MEAF6: variants seen among roughly 807,000 people sequenced by gnomAD.
MEAF6 encodes MYST/Esa1 associated factor 6.
A neutral mutation model predicts 28.9 loss-of-function variants in MEAF6; 15 were observed. The observed-to-expected ratio is 0.52, with a 90% CI of 0.35 to 0.80. The LOEUF (loss-of-function observed/expected upper bound fraction) is 0.80, where lower values mean the gene tolerates loss of function less well. Ranked by LOEUF, MEAF6 falls within the 30% of genes least tolerant of loss-of-function variation. The probability of loss-of-function intolerance (pLI) is 0.01; values close to 1 mark genes in which losing one functional copy is unlikely to be tolerated. For synonymous variants in MEAF6, 97 were observed against 88.7 expected, an observed-to-expected ratio of 1.09 and a Z score of -0.53; for missense variants, 178 against 237.5, an observed-to-expected ratio of 0.75 and a Z score of 1.65.
At chr1:37,509,773 T>C (rs1642604537) in intron 2 of MEAF6, among the ~76,000 whole-genome samples, 1 of 152,188 alleles carries the variant, frequency 6.6e-6, no homozygotes, top group African/African-American at 2.4e-5. Flanking sequence ...TATTTATTTA[T>C]TTACTTATTT....
chr1:37,494,215 A>G, intron 6 of MEAF6, 108 bp from the exon 7 acceptor site: 2 of 920,238 alleles, frequency 2.2e-6, no homozygotes, highest in Non-Finnish European at 3.5e-6. Context: ...ACTGCTCTAT[A>G]GCTAAAGATT....
At chr1:37,494,777 G>C (rs1642060478) in intron 6 of MEAF6, among the ~76,000 whole-genome samples, 1 of 151,884 alleles carries the variant, frequency 6.6e-6, no homozygotes. Flanking sequence ...GTTGCAGTGA[G>C]CCAAGATCAC....
At chr1:37,508,407 T>C (rs1280566184) in intron 4 of MEAF6, among the ~76,000 whole-genome samples, 4 of 148,142 alleles carry the variant, frequency 2.7e-5, no homozygotes, top group African/African-American at 7.4e-5. Flanking sequence ...GCCTCTCTAA[T>C]AGCTGGGACT....
intron 4 of MEAF6, among the ~76,000 whole-genome samples, chr1:37,503,952 C>T (rs1642395383): frequency 6.6e-6 from 1 of 152,070 alleles, no homozygotes; most frequent in South Asian, 2.1e-4. Flanking sequence ...GAACGAGACT[C>T]CATCTCAAAA....
rs1019696684 is a variant in MEAF6 at position 37,490,168 on chromosome 1, C to T, written c.*3931G>A. On this transcript the variant is annotated 3_prime_UTR_variant, in exon 7 of 7. Coordinates refer to ENST00000296214, the MANE Select transcript of MEAF6 (RefSeq NM_001270875.3). ...TCTTTTCTTCCCACCCCCACCCAGC[C>T]ATCCTGTGTGCCCTCTTCCCCTTGG... Among the ~76,000 whole-genome samples, 1 of 151,856 alleles carries T rather than the reference C, an allele frequency of 6.6e-6. No individual in the cohort carries two copies. Among genetic ancestry groups the T allele is most frequent in the African/African-American group, 2.4e-5 (1 of 41,300 alleles).
chr1:37,504,800 T>TACAC (rs143477333), intron 4 of MEAF6, among the ~76,000 whole-genome samples: 8,738 of 135,102 alleles, frequency 0.065, 373 homozygotes, highest in African/African-American at 0.095. Flanking sequence ...AAAATTTATA[T>TACAC]ACACACACAC....
chr1:37,496,931 C>T (rs1642144550), intron 5 of MEAF6, among the ~76,000 whole-genome samples: 1 of 152,172 alleles, frequency 6.6e-6, no homozygotes, highest in Admixed American at 6.5e-5. Flanking sequence ...GATTTCATAT[C>T]AGAAGACTAG....
rs1446004995 is a variant in MEAF6, at chr1:37,490,004, C to A, written c.*4095G>T. Among the ~76,000 whole-genome samples the A allele has an allele frequency of 6.6e-6, 1 of 152,090 alleles. No individual in the cohort carries two copies. Among genetic ancestry groups the A allele is most frequent in the Non-Finnish European group, 1.5e-5 (1 of 68,038 alleles). On this transcript the variant is annotated 3_prime_UTR_variant, in exon 7 of 7. Transcript: ENST00000296214. ...TTATCAGCAGTTTATTGTGGTTCAA[C>A]CTTTTATTTATAAATTAATGACCTA...
chr1:37,502,461 A>ATG (rs753915499), intron 4 of MEAF6, among the ~76,000 whole-genome samples: 23 of 151,988 alleles, frequency 1.5e-4, no homozygotes, highest in African/African-American at 5.1e-4. Context: ...TACAAAAAAA[A>ATG]CTACAGTGAC....
At chr1:37,494,134 A>T in intron 6 of MEAF6, 27 bp from the exon 7 acceptor site, 2 of 1,598,698 alleles carry the variant, frequency 1.3e-6, no homozygotes, top group Non-Finnish European at 1.7e-6. Flanking sequence ...AAAAGTCCCA[A>T]CTTACTCTCG....
At chr1:37,496,322 T>C (rs1403645569) in intron 5 of MEAF6, among the ~76,000 whole-genome samples, 1 of 152,176 alleles carries the variant, frequency 6.6e-6, no homozygotes, top group Non-Finnish European at 1.5e-5. Context: ...GACTAGGAGT[T>C]TGTATTTCTG....
intron 2 of MEAF6, among the ~76,000 whole-genome samples, chr1:37,511,890 A>C (rs978859047): frequency 6.6e-6 from 1 of 152,188 alleles, no homozygotes; most frequent in Middle Eastern, 3.2e-3. Context: ...TTAGCAAAGA[A>C]TTTTTGGGGA....
intron 1 of MEAF6, chr1:37,514,451 C>A: frequency 2.9e-6 from 1 of 345,840 alleles, no homozygotes. Flanking sequence ...GCGCTCCCGG[C>A]TCTCTCCCGG....
chr1:37,509,439 C>G lies in MEAF6; in HGVS notation c.294+16G>C. 6.2e-7 allele frequency: 1 copy of G among 1,612,860 alleles called. No individual in the cohort carries two copies. The highest frequency in any genetic ancestry group is 1.1e-5 in the South Asian group (1 of 90,922). On this transcript the variant is annotated intron_variant, in intron 3 of 6. Coordinates refer to ENST00000296214, the MANE Select transcript of MEAF6 (RefSeq NM_001270875.3). The stretch of plus-strand genomic sequence containing the variant: ...ACAACAGGCCAAAGAAAGATTCCCC[C>G]ACCACCACTACTTACAGCTGCTGAG...
intron 4 of MEAF6, among the ~76,000 whole-genome samples, chr1:37,506,245 T>C (rs1430502268): frequency 6.7e-6 from 1 of 149,780 alleles, no homozygotes; most frequent in African/African-American, 2.5e-5. Context: ...CACTCCAGCC[T>C]GGGCAATAAA....
chr1:37,495,690 A>C (rs1397173185), intron 6 of MEAF6, among the ~76,000 whole-genome samples, 195 bp downstream of exon 6: 3 of 110,406 alleles, frequency 2.7e-5, no homozygotes, highest in African/African-American at 9.1e-5. Context: ...CTCTCAAAAA[A>C]AAAAAACAAA....
intron 4 of MEAF6, among the ~76,000 whole-genome samples, chr1:37,504,929 G>A (rs1472468092): frequency 6.6e-6 from 1 of 151,702 alleles, no homozygotes; most frequent in Admixed American, 6.6e-5. Flanking sequence ...TCACGCCCAG[G>A]CTGGAGTACA....
intron 5 of MEAF6, 97 bp downstream of exon 5, chr1:37,501,707 A>C (rs1569966412): frequency 8.2e-7 from 1 of 1,223,280 alleles, no homozygotes; most frequent in African/African-American, 1.5e-5. Flanking sequence ...TCAGCAACAG[A>C]AAGAGTCTGC....
At chr1:37,497,548 T>G (rs1158953717) in intron 5 of MEAF6, among the ~76,000 whole-genome samples, 1 of 152,032 alleles carries the variant, frequency 6.6e-6, no homozygotes, top group Non-Finnish European at 1.5e-5. Flanking sequence ...AGGGCTATAA[T>G]TAAGAAACAC....
Sources: gnomAD v4.1 joint callset for allele counts (sites outside exome capture counted in the v4.1 genomes callset) on GRCh38, gnomAD v4.1.1 for gene constraint, MANE v1.5 for transcripts, NCBI Gene and HGNC (gene_info 2026-07-23, HGNC 2026-07-21) for gene names.